The following MLLT3 variants were observed in gnomAD, a reference collection of about 807,000 sequenced individuals.
MLLT3 encodes the protein protein AF-9.
Under a neutral mutation model 53.2 loss-of-function variants are expected in MLLT3, and 4 were observed. That is an observed-to-expected ratio of 0.08 (90% CI 0.04 to 0.17). The LOEUF is 0.17. MLLT3 is among the 10% of genes least tolerant of loss of function. The pLI is 1.00. For missense variants in MLLT3, 569 were observed against 684.0 expected, an observed-to-expected ratio of 0.83 and a Z score of 1.87; for synonymous variants, 283 against 230.6, an observed-to-expected ratio of 1.23 and a Z score of -2.06.
intron 2 of MLLT3, among the ~76,000 whole-genome samples, chr9:20,560,237 A>G (rs1008614411): frequency 1.3e-5 from 2 of 152,174 alleles, no homozygotes; most frequent in Non-Finnish European, 1.5e-5. Context: ...CAGAAATAAC[A>G]TCTGGATACC....
chr9:20,364,397 C>G (rs1821398762), intron 6 of MLLT3, among the ~76,000 whole-genome samples: 1 of 152,148 alleles, frequency 6.6e-6, no homozygotes, highest in African/African-American at 2.4e-5. Flanking sequence ...ATCAGTGTGG[C>G]TTATTTTCAC....
chr9:20,431,898 A>G lies in MLLT3; in HGVS notation c.420+16225T>C, dbSNP rs1192375475. 3.9e-5 allele frequency among the ~76,000 whole-genome samples: 6 copies of G among 152,208 alleles called. No homozygotes were observed. In the East Asian group the frequency reaches 9.6e-4, roughly 24 times the overall value. ...ATACATATACTATTATACCATTTTC[A>G]TAACAATAAAAAATAAGCAAAGATG... On this transcript the variant is annotated intron_variant, in intron 4 of 10. Coordinates refer to ENST00000380338, the MANE Select transcript of MLLT3 (RefSeq NM_004529.4).
intron 2 of MLLT3, among the ~76,000 whole-genome samples, chr9:20,487,110 T>C (rs548345224): frequency 2.0e-5 from 3 of 152,268 alleles, no homozygotes; most frequent in East Asian, 3.9e-4. Context: ...CCTAGAATTA[T>C]GGCAGAGAGG....
chr9:20,366,891 G>C (rs891758029), intron 5 of MLLT3, among the ~76,000 whole-genome samples: 2 of 152,200 alleles, frequency 1.3e-5, no homozygotes, highest in African/African-American at 4.8e-5. Flanking sequence ...TACCCTTTCT[G>C]TAATGTTCGA....
rs1156243397 is a variant in MLLT3, at chr9:20,414,148, G to A, written c.698C>T (p.Ser233Phe). 2.5e-6 allele frequency: 4 copies of A among 1,614,090 alleles called. No homozygotes were observed. The highest frequency in any genetic ancestry group is 3.4e-6 in the Non-Finnish European group (4 of 1,179,994). ...RDHNKSSKES[S>F]KKPKENKPLK... ...TGGTTTATTTTCTTTGGGTTTCTTA[G>A]AGGATTCTTTGGAAGATTTGTTGTG... The change falls in exon 5 of 11, where the codon TCT (serine) becomes TTT (phenylalanine). Residue 233 changes from serine to phenylalanine, a missense_variant. Physicochemically the swap from Ser to Phe is radical, Grantham distance 155. Transcript: ENST00000380338.
rs192284802 is a variant in MLLT3 at position 20,345,887 on chromosome 9, T to C, written c.*556A>G. 21 of 229,962 alleles carry C rather than the reference T, an allele frequency of 9.1e-5. No individual in the cohort carries two copies. In the East Asian group the frequency reaches 1.2e-3, roughly 13 times the overall value. 14.2% of individuals were successfully genotyped at this position (229,962 alleles called of 1,614,324 possible). A position where few individuals can be genotyped will look rare whatever the true frequency, so the allele number is the denominator to read the frequency against. ...AACGAGTTAAAGGACTTGGAAAAAGTTGGTGGAAAGTGGCACGGTATACGA... is the reference window on the plus strand; with the variant it reads ...AACGAGTTAAAGGACTTGGAAAAAGCTGGTGGAAAGTGGCACGGTATACGA... On this transcript the variant is annotated 3_prime_UTR_variant, in exon 11 of 11. Transcript: ENST00000380338.
chr9:20,578,274 C>G (rs564505724), intron 2 of MLLT3, among the ~76,000 whole-genome samples: 2 of 152,246 alleles, frequency 1.3e-5, no homozygotes, highest in East Asian at 3.9e-4. Flanking sequence ...ATATCTGGCA[C>G]ATAAGATGTA....
At chr9:20,457,519 G>T (rs567994653) in intron 2 of MLLT3, among the ~76,000 whole-genome samples, 1 of 151,976 alleles carries the variant, frequency 6.6e-6, no homozygotes, top group East Asian at 1.9e-4. Flanking sequence ...AAAGTGTAGG[G>T]ATTACAGGCA....
intron 2 of MLLT3, among the ~76,000 whole-genome samples, chr9:20,489,546 C>G (rs905772884): frequency 6.6e-6 from 1 of 152,088 alleles, no homozygotes; most frequent in Non-Finnish European, 1.5e-5. Flanking sequence ...GGGCTGCCAC[C>G]CTGAAGACGT....
rs1012639750 is a variant in MLLT3, at chr9:20,509,143, TG to T, written c.194-52358del. Among the ~76,000 whole-genome samples the T allele has an allele frequency of 5.8e-4, 88 of 152,330 alleles. 1 individual carries two copies. The highest frequency in any genetic ancestry group is 1.9e-3 in the African/African-American group (78 of 41,578). The stretch of plus-strand genomic sequence containing the variant: ...CCGTTTACATTCCATGAAGATCTAA[TG>T]AACTCCAGTTCTGAGTGGGTTCTTC... On this transcript the variant is annotated intron_variant, in intron 2 of 10. Coordinates refer to ENST00000380338, the MANE Select transcript of MLLT3 (RefSeq NM_004529.4).
At chr9:20,601,780 T>C (rs1820428220) in intron 2 of MLLT3, among the ~76,000 whole-genome samples, 1 of 152,178 alleles carries the variant, frequency 6.6e-6, no homozygotes, top group African/African-American at 2.4e-5. Flanking sequence ...GTTTCCAAAA[T>C]ATCCCTTTAA....
rs1455270738 is a variant in MLLT3 at position 20,342,594 on chromosome 9, C to T, written c.*3849G>A. The T allele has an allele frequency of 4.6e-6, 1 of 217,842 alleles. No homozygotes were observed. Among genetic ancestry groups the T allele is most frequent in the Non-Finnish European group, 9.2e-6 (1 of 108,536 alleles). The allele number at this position is 217,842 out of a possible 1,614,324, so 13.5% of individuals were successfully genotyped here. On this transcript the variant is annotated 3_prime_UTR_variant, in exon 11 of 11. Transcript: ENST00000380338. ...TACAGACAGCGGTGGCTTTGTCTTC[C>T]TTTTAAATTGACTTCTTCACTGCAT...
At chr9:20,388,551 G>A (rs895421371) in intron 5 of MLLT3, among the ~76,000 whole-genome samples, 2 of 152,146 alleles carry the variant, frequency 1.3e-5, no homozygotes, top group Non-Finnish European at 2.9e-5. Context: ...TCGTGCCACT[G>A]CACTATGGCC....
At chr9:20,526,936 C>T (rs905757444) in intron 2 of MLLT3, among the ~76,000 whole-genome samples, 37 of 152,142 alleles carry the variant, frequency 2.4e-4, no homozygotes, top group African/African-American at 8.2e-4. Context: ...TGGACACTTA[C>T]GAAGTGTCTG....
At chr9:20,526,206 G>A (rs765944961) in intron 2 of MLLT3, among the ~76,000 whole-genome samples, 1 of 152,136 alleles carries the variant, frequency 6.6e-6, no homozygotes, top group Admixed American at 6.5e-5. Context: ...AAAGACTAGT[G>A]TACATACATA....
intron 2 of MLLT3, among the ~76,000 whole-genome samples, chr9:20,577,378 T>C (rs1308785439): frequency 1.3e-5 from 2 of 152,190 alleles, no homozygotes; most frequent in Admixed American, 1.3e-4. Context: ...TCCAGGAGTA[T>C]AACCATTTGT....
At chr9:20,615,874 GAAA>G (rs10579863) in intron 2 of MLLT3, among the ~76,000 whole-genome samples, 5 of 132,608 alleles carry the variant, frequency 3.8e-5, no homozygotes, top group African/African-American at 1.4e-4. Flanking sequence ...AAAGAGATTT[GAAA>G]AAAAAAAAAA....
At chr9:20,481,588 A>T (rs1824663455) in intron 2 of MLLT3, among the ~76,000 whole-genome samples, 1 of 152,126 alleles carries the variant, frequency 6.6e-6, no homozygotes, top group Non-Finnish European at 1.5e-5. Flanking sequence ...TGAGGAACCT[A>T]CTGGGAGTTA....
intron 2 of MLLT3, among the ~76,000 whole-genome samples, chr9:20,489,575 T>G (rs560430412): frequency 6.6e-6 from 1 of 152,306 alleles, no homozygotes; most frequent in South Asian, 2.1e-4. Context: ...CCCTTCTATC[T>G]GCTGGAGCAA....
Sources: allele counts gnomAD v4.1 joint callset (sites outside exome capture counted in the v4.1 genomes callset), GRCh38; gene constraint gnomAD v4.1.1; transcripts MANE v1.5; gene names NCBI Gene and HGNC (gene_info 2026-07-23, HGNC 2026-07-21).